TCP11: variants seen among roughly 807,000 people sequenced by gnomAD.
TCP11 encodes the protein t-complex 11.
Under a neutral mutation model 45.0 loss-of-function variants are expected in TCP11, and 34 were observed. The observed-to-expected ratio is 0.76, with a 90% confidence interval of 0.57 to 1.01. The LOEUF is 1.01. Ranked by LOEUF, TCP11 falls within the 50% of genes least tolerant of loss-of-function variation. TCP11 has a pLI of 0.00. For synonymous variants in TCP11, 227 were observed against 227.0 expected, an observed-to-expected ratio of 1.00 and a Z score of 0.00; for missense variants, 523 against 598.1, an observed-to-expected ratio of 0.87 and a Z score of 1.31.
At chr6:35,137,690 CAAT>C in intron 2 of TCP11, 1 of 423,942 alleles carries the variant, frequency 2.4e-6, no homozygotes, top group Non-Finnish European at 4.7e-6. Flanking sequence ...ATGGTAGTTA[CAAT>C]GATTACGTGG....
chr6:35,122,417 G>A, intron 4 of TCP11, 80 bp from the exon 5 acceptor site: 2 of 1,268,942 alleles, frequency 1.6e-6, no homozygotes, highest in Non-Finnish European at 2.2e-6. Flanking sequence ...TTTAGCTAAA[G>A]ACATACCAGC....
chr6:35,120,569 T>C lies in TCP11; in HGVS notation c.793A>G (p.Thr265Ala). 1 of 1,613,868 alleles carries C rather than the reference T, an allele frequency of 6.2e-7. No homozygotes were observed. Among genetic ancestry groups the C allele is most frequent in the Non-Finnish European group, 8.5e-7 (1 of 1,180,020 alleles). Residue 265 changes from threonine to alanine, a missense_variant, in exon 7 of 10, where the codon ACT becomes GCT. Physicochemically the swap from Thr to Ala is moderately conservative, Grantham distance 58 (BLOSUM62 0). This residue lies in a region of TCP11 where 298 missense variants were observed against 387.9 expected (regional missense o/e 0.77). Transcript: ENST00000311875. This position sits in a 1 kb window ranked among gnomAD's most constrained non-coding sequence, Gnocchi z 4.9. ...LTMSPPTCPD[T>A]SDSSSVAGPS... ...CCAGCCACACTGGAGGAGTCAGAAG[T>C]GTCTGGGCAAGTCGGAGGTGACATG...
At chr6:35,126,007 T>C (rs1333512645) in intron 4 of TCP11, among the ~76,000 whole-genome samples, 1 of 152,124 alleles carries the variant, frequency 6.6e-6, no homozygotes, top group Non-Finnish European at 1.5e-5. Context: ...GAAAGGGAAA[T>C]TATTGTTTAA....
rs532667368 is a variant in TCP11 at position 35,118,946 on chromosome 6, G to C, written c.1279+282C>G. Among the ~76,000 whole-genome samples the C allele has an allele frequency of 4.7e-4, 72 of 152,220 alleles. 1 individual carries two copies. Among genetic ancestry groups the C allele is most frequent in the African/African-American group, 1.5e-3 (62 of 41,520 alleles). ...GAGATGGGGGAATGTCAGATTTCTT[G>C]GGTGCCATCAGAGAATGACCTGTAG... is the stretch of plus-strand genomic sequence containing the variant. On this transcript the variant is annotated intron_variant, in intron 9 of 9. Coordinates refer to ENST00000311875, the MANE Select transcript of TCP11 (RefSeq NM_001370687.1).
chr6:35,120,361 G>C lies in TCP11; in HGVS notation c.934-21C>G, dbSNP rs1378363804. The C allele has an allele frequency of 1.2e-6, 2 of 1,607,478 alleles. No homozygotes were observed. On this transcript the variant is annotated intron_variant, in intron 7 of 9. Transcript: ENST00000311875. This position sits in a 1 kb window ranked among gnomAD's most constrained non-coding sequence, Gnocchi z 4.9. ...AGGGTCTGGGAACCAGGGAAGAACA[G>C]GCTGTCAGGGGAAGTCCCGATGGAA...
At chr6:35,134,631 C>T (rs11969000) in intron 3 of TCP11, among the ~76,000 whole-genome samples, 29,760 of 152,002 alleles carry the variant, frequency 0.2, 3,558 homozygotes, top group African/African-American at 0.29. Context: ...TCAATGTAAA[C>T]GCTATGTAAG....
At chr6:35,119,848 G>A (rs1188743992) in intron 8 of TCP11, among the ~76,000 whole-genome samples, 3 of 152,052 alleles carry the variant, frequency 2.0e-5, no homozygotes, top group East Asian at 1.9e-4. Context: ...TGCACACAGC[G>A]GGATGTTCAA....
chr6:35,126,663 T>G, intron 4 of TCP11, among the ~76,000 whole-genome samples: 1 of 146,178 alleles, frequency 6.8e-6, no homozygotes, highest in South Asian at 2.3e-4. Context: ...TTTTTTTTTT[T>G]TTTTTTTTTT....
intron 2 of TCP11, among the ~76,000 whole-genome samples, chr6:35,139,862 A>G (rs1212777873): frequency 6.6e-6 from 1 of 152,234 alleles, no homozygotes; most frequent in Non-Finnish European, 1.5e-5. Flanking sequence ...TTCAAGTAAT[A>G]TAACAACCAA....
chr6:35,140,614 G>A, intron 2 of TCP11, 133 bp downstream of exon 2: 1 of 700,396 alleles, frequency 1.4e-6, no homozygotes. Flanking sequence ...GTAAAGGCGG[G>A]TGGGGGAGAA....
chr6:35,134,147 TAC>T (rs1181371927), intron 3 of TCP11, among the ~76,000 whole-genome samples: 1 of 152,164 alleles, frequency 6.6e-6, no homozygotes, highest in Non-Finnish European at 1.5e-5. Flanking sequence ...TGCTTCCTGA[TAC>T]AGTCATCCCT....
chr6:35,140,136 A>C, intron 2 of TCP11: 1 of 1,612,232 alleles, frequency 6.2e-7, no homozygotes, highest in African/African-American at 1.3e-5. Flanking sequence ...GCAAAGCCTC[A>C]ATCTAATTTT....
chr6:35,121,904 G>C (rs986847616), intron 5 of TCP11, among the ~76,000 whole-genome samples: 1 of 149,076 alleles, frequency 6.7e-6, no homozygotes, highest in African/African-American at 2.5e-5. Flanking sequence ...TATTACAGAG[G>C]GGGGGCCCAA....
At chr6:35,122,011 A>G in intron 5 of TCP11, 106 bp downstream of exon 5, 1 of 1,088,688 alleles carries the variant, frequency 9.2e-7, no homozygotes, top group South Asian at 1.4e-5. Context: ...TCAGGTCTTT[A>G]GCAGGGAAGA....
In TCP11 at chr6:35,122,345, G is replaced by GT; in HGVS notation, c.358-9_358-8insA. 1.9e-6 allele frequency: 3 copies of GT among 1,613,610 alleles called. No individual in the cohort carries two copies. Among genetic ancestry groups the GT allele is most frequent in the Non-Finnish European group, 2.5e-6 (3 of 1,179,636 alleles). Reference sequence around the variant, plus strand: ...TAGCAGTGATAGCAAGATCTGCCCAGGAAAGAAAGTCAAAGGAGTTGATCT... The same window carrying GT: ...TAGCAGTGATAGCAAGATCTGCCCAGTGAAAGAAAGTCAAAGGAGTTGATCT... On this transcript the variant is annotated splice_polypyrimidine_tract_variant and intron_variant, in intron 4 of 9. Transcript: ENST00000311875.
intron 9 of TCP11, 98 bp from the exon 10 acceptor site, chr6:35,118,599 A>T: frequency 9.0e-7 from 1 of 1,115,886 alleles, no homozygotes; most frequent in Non-Finnish European, 1.3e-6. Context: ...AAGTTAACAG[A>T]TATGTACCAA....
chr6:35,141,334 G>C lies in TCP11; in HGVS notation c.-144C>G. ...CGCACGGTGAGAAAGGCCGGGGCCT[G>C]AGAACAAACCGCCGCGGTCGCCGGG... is the stretch of plus-strand genomic sequence containing the variant. On this transcript the variant is annotated 5_prime_UTR_variant, in exon 1 of 10. Coordinates refer to ENST00000311875, the MANE Select transcript of TCP11 (RefSeq NM_001370687.1). 5 of 1,198,174 alleles carry C rather than the reference G, an allele frequency of 4.2e-6. No homozygotes were observed. Among genetic ancestry groups the C allele is most frequent in the South Asian group, 3.2e-5 (1 of 31,670 alleles). The allele number at this position is 1,198,174 out of a possible 1,614,324, so 74.2% of individuals were successfully genotyped here.
In TCP11 at chr6:35,140,787, G is replaced by T; in HGVS notation, c.84C>A (p.Pro28=). Reference sequence around the variant, plus strand: ...CGGAGCCGCTCTTGTCTTCCTGGGGGGGTCCTGAGGTTTCGGGCTTACAGG... The same window carrying T: ...CGGAGCCGCTCTTGTCTTCCTGGGGTGGTCCTGAGGTTTCGGGCTTACAGG... ...GRSCKPETSG[P]PQEDKSGSED... The change falls in exon 2 of 10, where the codon CCC becomes CCA. Residue 28 remains proline (P), a synonymous_variant. Coordinates refer to ENST00000311875, the MANE Select transcript of TCP11 (RefSeq NM_001370687.1). 6.5e-7 allele frequency: 1 copy of T among 1,530,762 alleles called. No individual in the cohort carries two copies. Among genetic ancestry groups the T allele is most frequent in the Non-Finnish European group, 8.7e-7 (1 of 1,143,392 alleles). The allele number at this position is 1,530,762 out of a possible 1,614,324, so 94.8% of individuals were successfully genotyped here.
intron 3 of TCP11, among the ~76,000 whole-genome samples, chr6:35,132,041 G>C (rs1417271229): frequency 6.6e-6 from 1 of 152,192 alleles, no homozygotes; most frequent in Non-Finnish European, 1.5e-5. Flanking sequence ...ATGATGTAAT[G>C]CTTATTTAAA....
Sources: gnomAD v4.1 joint callset for allele counts (sites outside exome capture counted in the v4.1 genomes callset) on GRCh38, gnomAD v4.1.1 for gene constraint, gnomAD v4.1.1 regional missense constraint, Gnocchi (gnomAD v3.1) non-coding constraint, MANE v1.5 for transcripts, NCBI Gene and HGNC (gene_info 2026-07-23, HGNC 2026-07-21) for gene names.